KIFAP3: variants seen among roughly 807,000 people sequenced by gnomAD.
The protein encoded by KIFAP3 is kinesin-associated protein 3.
A neutral mutation model predicts 106.5 loss-of-function variants in KIFAP3; 68 were observed. The observed-to-expected ratio is 0.64, with a 90% CI of 0.53 to 0.78. The LOEUF (loss-of-function observed/expected upper bound fraction) is 0.78. Ranked by LOEUF, KIFAP3 falls within the 30% of genes least tolerant of loss-of-function variation. The pLI, the probability that KIFAP3 is intolerant of heterozygous loss-of-function variation, is 0.00. For missense variants in KIFAP3, 780 were observed against 941.8 expected, an observed-to-expected ratio of 0.83 and a Z score of 2.25; for synonymous variants, 320 against 311.5, an observed-to-expected ratio of 1.03 and a Z score of -0.29.
chr1:169,976,174 C>CA (rs975771662), intron 16 of KIFAP3, among the ~76,000 whole-genome samples: 24 of 152,172 alleles, frequency 1.6e-4, no homozygotes, highest in Admixed American at 3.3e-4. Context: ...TTAGTCCTCA[C>CA]AAAAAACCCT....
intron 10 of KIFAP3, among the ~76,000 whole-genome samples, chr1:170,012,805 G>A (rs1486671017): frequency 2.6e-5 from 4 of 152,128 alleles, no homozygotes; most frequent in Non-Finnish European, 5.9e-5. Flanking sequence ...GAAGGCAAAT[G>A]AGGAGCAAAA....
chr1:170,050,864 A>G (rs1571734511), intron 2 of KIFAP3, among the ~76,000 whole-genome samples: 1 of 152,172 alleles, frequency 6.6e-6, no homozygotes, highest in South Asian at 2.1e-4. Context: ...GGAAAGGAAA[A>G]CCCAGTACCA....
At chr1:169,974,096 C>G (rs1666091057) in intron 16 of KIFAP3, among the ~76,000 whole-genome samples, 1 of 151,470 alleles carries the variant, frequency 6.6e-6, no homozygotes, top group Admixed American at 6.6e-5. Flanking sequence ...ACTTGGTGAA[C>G]ATGAATGTTG....
intron 2 of KIFAP3, among the ~76,000 whole-genome samples, chr1:170,054,557 C>A (rs1489997421): frequency 1.3e-5 from 2 of 152,176 alleles, no homozygotes; most frequent in African/African-American, 4.8e-5. Flanking sequence ...TTGGAACCAA[C>A]CCAAATGCCC....
intron 16 of KIFAP3, among the ~76,000 whole-genome samples, chr1:169,975,850 A>C (rs549177646): frequency 6.6e-6 from 1 of 152,290 alleles, no homozygotes; most frequent in African/African-American, 2.4e-5. Flanking sequence ...TAAGACACAA[A>C]GTTTTTATGA....
chr1:169,998,381 G>GATAT (rs67634163), intron 10 of KIFAP3, among the ~76,000 whole-genome samples: 2 of 136,906 alleles, frequency 1.5e-5, no homozygotes, highest in Non-Finnish European at 3.1e-5. Context: ...TGCTTCACCA[G>GATAT]ATATATATAT....
chr1:169,988,954 G>C (rs1363996619), intron 11 of KIFAP3, among the ~76,000 whole-genome samples: 1 of 151,578 alleles, frequency 6.6e-6, no homozygotes, highest in African/African-American at 2.4e-5. Flanking sequence ...ATTTCAAAAA[G>C]AAAAAAATGG....
intron 19 of KIFAP3, among the ~76,000 whole-genome samples, chr1:169,930,157 C>T (rs992723482): frequency 6.6e-6 from 1 of 152,200 alleles, no homozygotes; most frequent in South Asian, 2.1e-4. Context: ...GATACTATAT[C>T]ATTGCATTAA....
chr1:169,959,640 A>C (rs1665209903), intron 18 of KIFAP3, among the ~76,000 whole-genome samples: 1 of 152,164 alleles, frequency 6.6e-6, no homozygotes, highest in African/African-American at 2.4e-5. Context: ...TAATTGTATT[A>C]AAACAACAAT....
chr1:170,055,159 T>TG, intron 2 of KIFAP3, 146 bp downstream of exon 2: 1 of 690,582 alleles, frequency 1.4e-6, no homozygotes, highest in Non-Finnish European at 2.2e-6. Flanking sequence ...TACTTACAGT[T>TG]TAATATAATC....
chr1:170,047,290 T>C (rs1269341634), intron 2 of KIFAP3, among the ~76,000 whole-genome samples: 3 of 152,070 alleles, frequency 2.0e-5, no homozygotes, highest in Admixed American at 2.0e-4. Flanking sequence ...GATTCAGTTG[T>C]TCTGGTGGTA....
chr1:170,061,543 GA>G (rs1671155557), intron 1 of KIFAP3, among the ~76,000 whole-genome samples: 1 of 152,162 alleles, frequency 6.6e-6, no homozygotes, highest in South Asian at 2.1e-4. Flanking sequence ...GGAGAAATAG[GA>G]ACAGTTTTAC....
Position 169,978,138 on chromosome 1 carries a change from A to T in KIFAP3, c.1844T>A (p.Phe615Tyr), listed in dbSNP as rs777146466. The change falls in exon 16 of 20, where the codon TTC becomes TAC. Residue 615 changes from phenylalanine to tyrosine, a missense_variant. By Grantham distance (22) the Phe-to-Tyr change is conservative. Transcript: ENST00000361580. ...DEFVCQIIYV[F>Y]YQMVFHQATR... Reference sequence around the variant, plus strand: ...GGCTTGGTGGAAAACCATCTGGTAGAAGACATAAATTATCTGACACACAAA... The same window carrying T: ...GGCTTGGTGGAAAACCATCTGGTAGTAGACATAAATTATCTGACACACAAA... 1 of 1,612,824 alleles carries T rather than the reference A, an allele frequency of 6.2e-7. No homozygotes were observed. Among genetic ancestry groups the T allele is most frequent in the Non-Finnish European group, 8.5e-7 (1 of 1,179,172 alleles).
intron 1 of KIFAP3, among the ~76,000 whole-genome samples, chr1:170,070,248 A>C (rs1249314100): frequency 6.6e-5 from 10 of 152,146 alleles, no homozygotes. Flanking sequence ...CTATAGATTC[A>C]TTATATTCCC....
intron 19 of KIFAP3, among the ~76,000 whole-genome samples, chr1:169,923,908 G>T (rs1040655635): frequency 6.6e-6 from 1 of 152,118 alleles, no homozygotes; most frequent in Non-Finnish European, 1.5e-5. Context: ...TGGCCTTTTT[G>T]CAGTTTGGTC....
intron 10 of KIFAP3, among the ~76,000 whole-genome samples, chr1:170,004,282 C>A (rs1667824213): frequency 6.6e-6 from 1 of 152,022 alleles, no homozygotes; most frequent in Non-Finnish European, 1.5e-5. Flanking sequence ...CCATACTGCC[C>A]AAGGTAATTT....
intron 17 of KIFAP3, among the ~76,000 whole-genome samples, chr1:169,971,091 C>CT (rs1245441574): frequency 1.3e-5 from 2 of 151,822 alleles, no homozygotes; most frequent in African/African-American, 2.4e-5. Flanking sequence ...CTGAGTTGGC[C>CT]TTTGAGAACT....
chr1:169,972,723 AAATCATT>A lies in KIFAP3; in HGVS notation c.1898-132_1898-126del, dbSNP rs1478263921. 7.4e-5 allele frequency: 39 copies of A among 523,702 alleles called. No homozygotes were observed. The East Asian group carries it at 1.2e-3, about 17-fold the overall frequency. 32.4% of individuals were successfully genotyped at this position (523,702 alleles called of 1,614,324 possible). On this transcript the variant is annotated intron_variant, in intron 16 of 19. Coordinates refer to ENST00000361580, the MANE Select transcript of KIFAP3 (RefSeq NM_014970.4). ...GAAATATAACCCAAATTTTAAAATA[AAATCATT>A]AATACAAGATGACCAAAAACACTTA...
chr1:169,958,500 A>G (rs535121421), intron 18 of KIFAP3, among the ~76,000 whole-genome samples: 1 of 152,330 alleles, frequency 6.6e-6, no homozygotes, highest in African/African-American at 2.4e-5. Context: ...AATAGTGTAG[A>G]GTATGAGAAA....
Sources: allele counts gnomAD v4.1 joint callset (sites outside exome capture counted in the v4.1 genomes callset), GRCh38; gene constraint gnomAD v4.1.1; transcripts MANE v1.5; gene names NCBI Gene and HGNC (gene_info 2026-07-23, HGNC 2026-07-21).